VNN1: variants seen among roughly 807,000 people sequenced by gnomAD.
VNN1 encodes the protein vanin 1.
Under a neutral mutation model 41.9 loss-of-function variants are expected in VNN1, and 29 were observed. That is an observed-to-expected ratio of 0.69 (90% CI 0.52 to 0.94). The LOEUF is 0.94. VNN1 is among the 40% of genes least tolerant of loss of function. The pLI is 0.00. For missense variants in VNN1, 637 were observed against 621.1 expected (o/e 1.03, Z -0.27); for synonymous variants, 233 against 224.4 (o/e 1.04, Z -0.34).
chr6:132,684,528 T>C lies in VNN1; in HGVS notation c.1189-23A>G. On this transcript the variant is annotated intron_variant, in intron 5 of 6. Coordinates refer to ENST00000367928, the MANE Select transcript of VNN1 (RefSeq NM_004666.3). ...AATCTAGGGAAGTCATGAAAACCAGTAAGTCATAAGAAAGTCATGTGGGAT... is the reference window on the plus strand; with the variant it reads ...AATCTAGGGAAGTCATGAAAACCAGCAAGTCATAAGAAAGTCATGTGGGAT... The C allele has an allele frequency of 2.5e-6, 4 of 1,612,694 alleles. No homozygotes were observed. The Admixed American group carries it at 5.0e-5, about 20-fold the overall frequency.
chr6:132,694,196 A>G lies in VNN1; in HGVS notation c.342-14T>C. On this transcript the variant is annotated splice_polypyrimidine_tract_variant and intron_variant, in intron 2 of 6. Transcript: ENST00000367928. The stretch of plus-strand genomic sequence containing the variant: ...GTCTGGCCAAATCTGATACATGTTT[A>G]TTGGAGGAAAAAAATCTTTGTAAAT... The G allele has an allele frequency of 6.4e-7, 1 of 1,552,468 alleles. No homozygotes were observed.
intron 5 of VNN1, among the ~76,000 whole-genome samples, chr6:132,691,466 C>A (rs1778282903): frequency 6.6e-6 from 1 of 151,700 alleles, no homozygotes. Flanking sequence ...TGGTGGTCAA[C>A]CCCATTCATA....
intron 2 of VNN1, 30 bp from the exon 3 acceptor site, chr6:132,694,212 C>T (rs113864646): frequency 1.3e-6 from 2 of 1,534,814 alleles, no homozygotes; most frequent in South Asian, 2.6e-5. Flanking sequence ...GGAAAAAAAT[C>T]TTTGTAAATC....
intron 2 of VNN1, chr6:132,699,386 T>C (rs1330530408): frequency 5.6e-6 from 1 of 177,964 alleles, no homozygotes; most frequent in African/African-American, 2.4e-5. Context: ...AAGCCTTCTA[T>C]GTTGATATTG....
In VNN1 at chr6:132,684,368, C is replaced by G; in HGVS notation, c.1326G>C (p.Leu442=). ...CTCCAGGTGCAAGCTGATTTTCACT[C>G]AGCAACACCTCAGGAAAGACATACT... The part of the protein sequence containing the change: ...GTQYVFPEVL[L]SENQLAPGEF... The change falls in exon 6 of 7, where the codon CTG becomes CTC. Residue 442 remains leucine, a synonymous_variant. Coordinates refer to ENST00000367928, the MANE Select transcript of VNN1 (RefSeq NM_004666.3). 3 of 1,613,500 alleles carry G rather than the reference C, an allele frequency of 1.9e-6. No homozygotes were observed. The highest frequency in any genetic ancestry group is 2.5e-6 in the Non-Finnish European group (3 of 1,179,636).
At chr6:132,689,398 C>A (rs1778251925) in intron 5 of VNN1, among the ~76,000 whole-genome samples, 1 of 152,114 alleles carries the variant, frequency 6.6e-6, no homozygotes, top group African/African-American at 2.4e-5. Flanking sequence ...GCATTCACTT[C>A]CCTTTGACTT....
chr6:132,692,912 A>G, intron 4 of VNN1, 112 bp downstream of exon 4: 1 of 1,239,928 alleles, frequency 8.1e-7, no homozygotes, highest in Non-Finnish European at 1.1e-6. Flanking sequence ...TTCAAAAATT[A>G]AGAGCTGGAA....
At chr6:132,711,452 T>G (rs1448916481) in intron 2 of VNN1, among the ~76,000 whole-genome samples, 30 of 152,264 alleles carry the variant, frequency 2.0e-4, no homozygotes, top group Admixed American at 1.9e-3. Context: ...AATATTTTTC[T>G]GTTCACTGGT....
At position 132,698,302 on chromosome 6, in the gene VNN1, C is replaced by T. The variant is rs146107712; in HGVS notation, c.342-4120G>A. ...AGGTATAACAAAAATCATCAATTAT[C>T]GGAAAGATATTTACTAATCTAAAAT... On this transcript the variant is annotated intron_variant, in intron 2 of 6. Transcript: ENST00000367928. Among the ~76,000 whole-genome samples, 17 of 152,304 alleles carry T rather than the reference C, an allele frequency of 1.1e-4. No individual in the cohort carries two copies. In the South Asian group the frequency reaches 1.7e-3, roughly 15 times the overall value.
intron 5 of VNN1, among the ~76,000 whole-genome samples, chr6:132,689,837 T>C (rs981321735): frequency 3.3e-5 from 5 of 152,222 alleles, no homozygotes; most frequent in African/African-American, 1.2e-4. Flanking sequence ...TGGGTCCAGC[T>C]GAATGTCTCA....
At chr6:132,711,341 C>T (rs937520902) in intron 2 of VNN1, among the ~76,000 whole-genome samples, 3 of 152,304 alleles carry the variant, frequency 2.0e-5, no homozygotes, top group African/African-American at 7.2e-5. Context: ...ACCTCATCAG[C>T]TATCTTAGCA....
intron 2 of VNN1, among the ~76,000 whole-genome samples, chr6:132,701,914 A>G (rs748749837): frequency 1.3e-5 from 2 of 152,232 alleles, no homozygotes; most frequent in Admixed American, 6.5e-5. Flanking sequence ...AGCAGAAAGC[A>G]ACATGGCACA....
intron 5 of VNN1, among the ~76,000 whole-genome samples, chr6:132,690,324 A>G (rs1479165235): frequency 6.6e-6 from 1 of 152,064 alleles, no homozygotes; most frequent in Non-Finnish European, 1.5e-5. Flanking sequence ...TTTCCCACCA[A>G]ACCCAGCTTC....
chr6:132,697,863 T>C (rs1054642252), intron 2 of VNN1, among the ~76,000 whole-genome samples: 5 of 152,208 alleles, frequency 3.3e-5, no homozygotes, highest in Non-Finnish European at 7.3e-5. Context: ...TGCATAGATA[T>C]AAATTACAAC....
intron 2 of VNN1, 88 bp downstream of exon 2, chr6:132,711,621 T>C (rs1778600683): frequency 2.8e-6 from 4 of 1,428,172 alleles, no homozygotes; most frequent in Non-Finnish European, 3.8e-6. Flanking sequence ...GAATTGATCA[T>C]GGATCTATGC....
intron 2 of VNN1, among the ~76,000 whole-genome samples, chr6:132,700,546 G>T (rs965775852): frequency 1.3e-5 from 2 of 152,092 alleles, no homozygotes; most frequent in Admixed American, 1.3e-4. Context: ...TCTAGTCTGG[G>T]GCTGAGCCTG....
chr6:132,695,646 T>C lies in VNN1; in HGVS notation c.342-1464A>G, dbSNP rs576339547. On this transcript the variant is annotated intron_variant, in intron 2 of 6. Coordinates refer to ENST00000367928, the MANE Select transcript of VNN1 (RefSeq NM_004666.3). The stretch of plus-strand genomic sequence containing the variant: ...GCTTCCAGGAGATTTAAAGAACCAG[T>C]GTCTTATTTATTTATTTATTTTCTC... 3.9e-5 allele frequency among the ~76,000 whole-genome samples: 6 copies of C among 152,336 alleles called. No homozygotes were observed. The East Asian group carries it at 9.6e-4, about 24-fold the overall frequency.
At chr6:132,687,978 G>A (rs954495921) in intron 5 of VNN1, among the ~76,000 whole-genome samples, 14 of 152,110 alleles carry the variant, frequency 9.2e-5, no homozygotes, top group African/African-American at 3.4e-4. Flanking sequence ...AAATCTGTGT[G>A]GCAAGATAGG....
In VNN1 at chr6:132,713,938, G is replaced by A. The variant is rs754635157; in HGVS notation, c.98C>T (p.Ala33Val). The A allele has an allele frequency of 6.2e-7, 1 of 1,614,148 alleles. No homozygotes were observed. Among genetic ancestry groups the A allele is most frequent in the Non-Finnish European group, 8.5e-7 (1 of 1,180,030 alleles). Residue 33 changes from alanine (A) to valine (V), a missense_variant, in exon 1 of 7, where the codon GCA becomes GTA. Ala to Val is a moderately conservative substitution (Grantham distance 64). Transcript: ENST00000367928. ...TAGGGTGGCATTGGGCAATATCGCT[G>A]CATGCTCATAAACAGCTGCAGTGAA... ...DTFTAAVYEHAAILPNATLTP... is the reference protein window; with the variant it reads ...DTFTAAVYEHVAILPNATLTP...
Sources: gnomAD v4.1 joint callset for allele counts (sites outside exome capture counted in the v4.1 genomes callset) on GRCh38, gnomAD v4.1.1 for gene constraint, MANE v1.5 for transcripts, NCBI Gene and HGNC (gene_info 2026-07-23, HGNC 2026-07-21) for gene names.